Variants in NCL observed in about 807,000 individuals in gnomAD.
NCL encodes the protein nucleolin multifunctional protein.
A neutral mutation model predicts 77.7 loss-of-function variants in NCL; 4 were observed. That is an observed-to-expected ratio of 0.05 (90% CI 0.03 to 0.12). The LOEUF (loss-of-function observed/expected upper bound fraction) is 0.12. NCL is among the 10% of genes least tolerant of loss of function. The pLI is 1.00. For synonymous variants in NCL, 344 were observed against 297.8 expected, an observed-to-expected ratio of 1.16 and a Z score of -1.60; for missense variants, 763 against 860.9, an observed-to-expected ratio of 0.89 and a Z score of 1.42.
intron 7 of NCL, 24 bp from the exon 8 acceptor site, chr2:231,458,413 G>A (rs1489661347): frequency 1.9e-6 from 3 of 1,608,142 alleles, no homozygotes; most frequent in African/African-American, 2.7e-5. Flanking sequence ...ACAAAAATGA[G>A]CTCTGTGGCC....
Position 231,454,364 on chromosome 2 carries a change from TTC to T in NCL, c.*825_*826del, listed in dbSNP as rs1304372359. 6.6e-6 allele frequency: 1 copy of T among 152,394 alleles called. No homozygotes were observed. The allele number at this position is 152,394 out of a possible 1,614,324, so 9.4% of individuals were successfully genotyped here. ...TTTCACCATGTTGGCCAGGCTGGTC[TTC>T]AACTCCTGACCTCAGTTGATCTGCC... On this transcript the variant is annotated 3_prime_UTR_variant, in exon 14 of 14. Coordinates refer to ENST00000322723, the MANE Select transcript of NCL (RefSeq NM_005381.3).
rs2046932983 is a variant in NCL, at chr2:231,460,174, C to T, written c.1018G>A (p.Asp340Asn). The T allele has an allele frequency of 6.2e-7, 1 of 1,613,330 alleles. No individual in the cohort carries two copies. Among genetic ancestry groups the T allele is most frequent in the African/African-American group, 1.3e-5 (1 of 74,888 alleles). The part of the protein sequence containing the change: ...VFAKNDLAVV[D>N]VRIGMTRKFG... ...TACCTAGTCATACCAATTCTGACATCCACAACAGCAAGATCATTTTTAGCA... is the reference window on the plus strand; with the variant it reads ...TACCTAGTCATACCAATTCTGACATTCACAACAGCAAGATCATTTTTAGCA... Residue 340 changes from aspartate (D) to asparagine (N), a missense_variant, in exon 6 of 14, where the codon GAT (aspartate) becomes AAT (asparagine). Coordinates refer to ENST00000322723, the MANE Select transcript of NCL (RefSeq NM_005381.3).
At chr2:231,463,368 A>G (rs1452251587) in intron 1 of NCL, 52 bp from the exon 2 acceptor site, 1 of 1,245,934 alleles carries the variant, frequency 8.0e-7, no homozygotes, top group Admixed American at 1.9e-5. Context: ...ATTTCAGGCC[A>G]TTCATATTTT....
At chr2:231,459,921 A>C (rs1418131797) in intron 6 of NCL, among the ~76,000 whole-genome samples, 1 of 151,696 alleles carries the variant, frequency 6.6e-6, no homozygotes, top group Non-Finnish European at 1.5e-5. Flanking sequence ...TAACAAAAAC[A>C]ACAAAAAAAC....
rs1553647373 is a variant in NCL, at chr2:231,460,706, A to ATCATCATCT, written c.773_774insAGATGATGA (p.Asp257_Asp258insGluAspAsp). ...CTTCTTCCTCCTCCTCATCATCTTCATCATCATCATCTTCATCATCTTCGT... is the reference window on the plus strand; with the variant it reads ...CTTCTTCCTCCTCCTCATCATCTTCATCATCATCTTCATCATCATCTTCATCATCTTCGT... On this transcript the variant is annotated inframe_insertion, in exon 4 of 14. Transcript: ENST00000322723. 2.1e-5 allele frequency: 29 copies of ATCATCATCT among 1,348,922 alleles called. No individual in the cohort carries two copies. Among genetic ancestry groups the ATCATCATCT allele is most frequent in the Non-Finnish European group, 2.8e-5 (28 of 1,002,918 alleles). 83.6% of individuals were successfully genotyped at this position (1,348,922 alleles called of 1,614,324 possible). A position where few individuals can be genotyped will look rare whatever the true frequency, so the allele number is the denominator to read the frequency against.
At chr2:231,462,702 G>T in intron 2 of NCL, 1 of 390,494 alleles carries the variant, frequency 2.6e-6, no homozygotes, top group Non-Finnish European at 5.1e-6. Context: ...AAAAGGCCAG[G>T]AGTGCTAAAG....
At chr2:231,455,896 A>C (rs1273673476) in intron 12 of NCL, 114 bp downstream of exon 12, 4 of 1,523,904 alleles carry the variant, frequency 2.6e-6, no homozygotes, top group South Asian at 2.2e-5. Context: ...GCGAATCCAT[A>C]AACTGCCACT....
chr2:231,460,556 T>G lies in NCL; in HGVS notation c.820A>C (p.Lys274Gln). 2 of 1,614,242 alleles carry G rather than the reference T, an allele frequency of 1.2e-6. No homozygotes were observed. The highest frequency in any genetic ancestry group is 4.5e-5 in the East Asian group (2 of 44,892). Residue 274 changes from lysine to glutamine, a missense_variant, in exon 5 of 14, where the codon AAA becomes CAA. Lys to Gln is a moderately conservative substitution (Grantham distance 53). This residue lies in a region of NCL where 590 missense variants were observed against 570.5 expected (regional missense o/e 1.03). Transcript: ENST00000322723. ...EEEEEEEEPV[K>Q]EAPGKRKKEM... Reference sequence around the variant, plus strand: ...TTCTTTCGTTTTCCAGGTGCTTCTTTGACAGGCTCTGGACAAGATGTCAAA... The same window carrying G: ...TTCTTTCGTTTTCCAGGTGCTTCTTGGACAGGCTCTGGACAAGATGTCAAA...
chr2:231,458,661 T>C, intron 7 of NCL: 1 of 478,476 alleles, frequency 2.1e-6, no homozygotes, highest in Non-Finnish European at 3.7e-6. Flanking sequence ...AATGTACCAA[T>C]TCAAAACATT....
chr2:231,463,338 C>T, intron 1 of NCL, 22 bp from the exon 2 acceptor site: 1 of 1,439,288 alleles, frequency 6.9e-7, no homozygotes, highest in Non-Finnish European at 9.7e-7. Flanking sequence ...ACAAATAGAT[C>T]ATTACACCTC....
chr2:231,463,599 A>G (rs1331567875), intron 1 of NCL: 1 of 415,470 alleles, frequency 2.4e-6, no homozygotes, highest in Non-Finnish European at 4.3e-6. Flanking sequence ...AGTTAAGCAC[A>G]ACCGTGTTTT....
At chr2:231,461,087 TG>T (rs752046019) in intron 3 of NCL, among the ~76,000 whole-genome samples, 2 of 152,250 alleles carry the variant, frequency 1.3e-5, no homozygotes, top group Non-Finnish European at 2.9e-5. Context: ...GAGACCAGCC[TG>T]GCCAACATGG....
chr2:231,457,828 T>C, intron 8 of NCL, 28 bp from the exon 9 acceptor site: 5 of 1,571,612 alleles, frequency 3.2e-6, no homozygotes, highest in East Asian at 2.3e-5. Context: ...GAACTCATGG[T>C]TTTTAAAACC....
At chr2:231,461,223 C>G (rs543337501) in intron 3 of NCL, among the ~76,000 whole-genome samples, 1 of 151,566 alleles carries the variant, frequency 6.6e-6, no homozygotes, top group Non-Finnish European at 1.5e-5. Flanking sequence ...CTGCAGTGAG[C>G]CGAGATAGCG....
rs755497435 is a variant in NCL, at chr2:231,456,955, A to AAGAC, written c.1571+42_1571+45dup. 3.7e-6 allele frequency: 6 copies of AAGAC among 1,603,892 alleles called. No individual in the cohort carries two copies. The South Asian group carries it at 6.7e-5, about 18-fold the overall frequency. The stretch of plus-strand genomic sequence containing the variant: ...TGACCTTACGTTCCTTTAGACCTCT[A>AAGAC]AGACATATATAGCCTATAACTGATG... On this transcript the variant is annotated intron_variant, in intron 10 of 13. Transcript: ENST00000322723.
intron 6 of NCL, among the ~76,000 whole-genome samples, chr2:231,459,568 C>T (rs1489861347): frequency 6.6e-6 from 1 of 151,750 alleles, no homozygotes; most frequent in Non-Finnish European, 1.5e-5. Context: ...TGGCTCACTG[C>T]AACCTCTGCC....
At chr2:231,462,908 G>A in intron 2 of NCL, 1 of 359,610 alleles carries the variant, frequency 2.8e-6, no homozygotes. Context: ...ATGTGGGGGT[G>A]AGGCTAACAT....
chr2:231,455,731 T>G, intron 12 of NCL, 107 bp from the exon 13 acceptor site: 1 of 1,361,406 alleles, frequency 7.3e-7, no homozygotes, highest in Non-Finnish European at 1.0e-6. Flanking sequence ...CCTTGTTTAT[T>G]TGGGAAAAGA....
At chr2:231,457,188 A>G in intron 9 of NCL, 64 bp from the exon 10 acceptor site, 5 of 1,600,792 alleles carry the variant, frequency 3.1e-6, no homozygotes, top group Non-Finnish European at 4.3e-6. Context: ...CGGTCACAAC[A>G]GTAATATCTT....
Sources: allele counts gnomAD v4.1 joint callset (sites outside exome capture counted in the v4.1 genomes callset), GRCh38; gene constraint gnomAD v4.1.1; regional missense constraint gnomAD v4.1.1; transcripts MANE v1.5; gene names NCBI Gene and HGNC (gene_info 2026-07-23, HGNC 2026-07-21).